Variants in MAN1C1 observed in about 807,000 individuals in gnomAD.
MAN1C1 encodes the protein mannosyl-oligosaccharide 1,2-alpha-mannosidase IC.
MAN1C1 carries 49 observed loss-of-function variants against 71.5 expected under a neutral mutation model. The observed-to-expected ratio is 0.69, with a 90% confidence interval of 0.54 to 0.87. The LOEUF (loss-of-function observed/expected upper bound fraction) is 0.87, where lower values mean the gene tolerates loss of function less well. Ranked by LOEUF, MAN1C1 falls within the 40% of genes least tolerant of loss-of-function variation. MAN1C1 has a pLI of 0.00. For synonymous variants in MAN1C1, 352 were observed against 343.7 expected (o/e 1.02, Z -0.27); for missense variants, 743 against 835.0 (o/e 0.89, Z 1.36).
At chr1:25,740,945 A>G (rs2047054923) in intron 2 of MAN1C1, among the ~76,000 whole-genome samples, 1 of 152,042 alleles carries the variant, frequency 6.6e-6, no homozygotes, top group South Asian at 2.1e-4. Flanking sequence ...GACGGCCAGC[A>G]GGATTTGCTG....
intron 2 of MAN1C1, among the ~76,000 whole-genome samples, chr1:25,737,663 A>G (rs1240361704): frequency 1.3e-5 from 2 of 152,156 alleles, no homozygotes; most frequent in Non-Finnish European, 2.9e-5. Flanking sequence ...GAGACATACA[A>G]TATCGTGTAC....
intron 7 of MAN1C1, among the ~76,000 whole-genome samples, chr1:25,771,321 G>A (rs1372507911): frequency 6.6e-6 from 1 of 152,228 alleles, no homozygotes; most frequent in East Asian, 1.9e-4. Context: ...CCTGCCACCA[G>A]ATTATCTTTG....
intron 1 of MAN1C1, chr1:25,654,115 C>T (rs1285585172): frequency 2.0e-5 from 3 of 152,232 alleles, no homozygotes; most frequent in Non-Finnish European, 4.4e-5. Context: ...GGAGTATCAC[C>T]TATATGGGTC....
At chr1:25,774,439 C>T (rs752957088) in intron 8 of MAN1C1, among the ~76,000 whole-genome samples, 10 of 152,172 alleles carry the variant, frequency 6.6e-5, no homozygotes, top group Non-Finnish European at 1.0e-4. Context: ...GACACAAACA[C>T]GGGTCTGACT....
rs546921038 is a variant in MAN1C1 at position 25,723,034 on chromosome 1, T to C, written c.638-23634T>C. ...TTTGTCCTCAATGTTTCATGACATATATACCTCAGTGTAGTATTTCATGAC... is the reference window on the plus strand; with the variant it reads ...TTTGTCCTCAATGTTTCATGACATACATACCTCAGTGTAGTATTTCATGAC... On this transcript the variant is annotated intron_variant, in intron 2 of 11. Coordinates refer to ENST00000374332, the MANE Select transcript of MAN1C1 (RefSeq NM_020379.4). Among the ~76,000 whole-genome samples, 8 of 152,354 alleles carry C rather than the reference T, an allele frequency of 5.3e-5. No individual in the cohort carries two copies. The East Asian group carries it at 7.7e-4, about 15-fold the overall frequency.
At chr1:25,755,949 C>G (rs1249309235) in intron 5 of MAN1C1, among the ~76,000 whole-genome samples, 1 of 152,150 alleles carries the variant, frequency 6.6e-6, no homozygotes, top group African/African-American at 2.4e-5. Flanking sequence ...CTGCCCAGAG[C>G]AGATGCATTT....
At chr1:25,683,795 C>G (rs2124170408) in intron 1 of MAN1C1, among the ~76,000 whole-genome samples, 1 of 152,288 alleles carries the variant, frequency 6.6e-6, no homozygotes, top group South Asian at 2.1e-4. Flanking sequence ...CCCCTTCATC[C>G]CCTGTCCCCT....
At chr1:25,733,618 T>G (rs2046940142) in intron 2 of MAN1C1, among the ~76,000 whole-genome samples, 1 of 152,112 alleles carries the variant, frequency 6.6e-6, no homozygotes, top group Admixed American at 6.6e-5. Context: ...TGTCTCTGTG[T>G]GTCTTTCCCC....
At chr1:25,732,646 G>C (rs1355598273) in intron 2 of MAN1C1, among the ~76,000 whole-genome samples, 39 of 152,194 alleles carry the variant, frequency 2.6e-4, no homozygotes, top group Admixed American at 2.6e-3. Flanking sequence ...TGGAGGATGA[G>C]GAAACTGAGG....
At chr1:25,639,127 A>G (rs2124758959) in intron 1 of MAN1C1, among the ~76,000 whole-genome samples, 1 of 152,248 alleles carries the variant, frequency 6.6e-6, no homozygotes, top group Non-Finnish European at 1.5e-5. Flanking sequence ...GTAATGTACA[A>G]TATGTTGTAA....
At chr1:25,738,459 G>A (rs2047013363) in intron 2 of MAN1C1, among the ~76,000 whole-genome samples, 1 of 152,184 alleles carries the variant, frequency 6.6e-6, no homozygotes, top group African/African-American at 2.4e-5. Flanking sequence ...CATTCCAGTT[G>A]CTATTGCTAC....
In MAN1C1 at chr1:25,618,314, G is replaced by A. The variant is rs1449501588; in HGVS notation, c.517G>A (p.Ala173Thr). The A allele has an allele frequency of 3.1e-5, 50 of 1,602,082 alleles. No individual in the cohort carries two copies. The highest frequency in any genetic ancestry group is 4.0e-5 in the Non-Finnish European group (47 of 1,176,272). ...TCAGGAGCCCCAGAGCCAAGTGCGA[G>A]CCCAGCGGGAGAAAATCAAGGAGGT... ...ESQEPQSQVR[A>T]QREKIKEMMQ... Residue 173 changes from alanine to threonine, a missense_variant, in exon 1 of 12, where the codon GCC (alanine) becomes ACC (threonine). By Grantham distance (58) the Ala-to-Thr change is moderately conservative. Transcript: ENST00000374332.
At chr1:25,744,745 A>C (rs547353989) in intron 2 of MAN1C1, among the ~76,000 whole-genome samples, 1 of 152,130 alleles carries the variant, frequency 6.6e-6, no homozygotes, top group Non-Finnish European at 1.5e-5. Flanking sequence ...CCTTCAGTCA[A>C]CACAAGTGAG....
intron 1 of MAN1C1, among the ~76,000 whole-genome samples, chr1:25,626,278 G>T (rs1202974470): frequency 2.0e-5 from 3 of 151,978 alleles, no homozygotes; most frequent in African/African-American, 7.2e-5. Context: ...GTGATATTTT[G>T]TTGTGGCTTT....
chr1:25,766,191 C>T (rs945381807), intron 7 of MAN1C1, among the ~76,000 whole-genome samples: 13 of 152,122 alleles, frequency 8.5e-5, no homozygotes, highest in African/African-American at 2.4e-4. Flanking sequence ...CAAAGTCAGT[C>T]GCATATGGGA....
At chr1:25,734,984 G>A (rs1366290355) in intron 2 of MAN1C1, among the ~76,000 whole-genome samples, 6 of 152,242 alleles carry the variant, frequency 3.9e-5, no homozygotes, top group African/African-American at 7.2e-5. Context: ...GGATTGAGAC[G>A]TGTGGGGACA....
chr1:25,657,412 T>C (rs2045783454), intron 1 of MAN1C1, among the ~76,000 whole-genome samples: 1 of 152,214 alleles, frequency 6.6e-6, no homozygotes, highest in Admixed American at 6.5e-5. Context: ...GGGAAAGCCA[T>C]GAAGCGTGGC....
intron 2 of MAN1C1, among the ~76,000 whole-genome samples, chr1:25,743,846 C>T (rs1263314136): frequency 6.6e-6 from 1 of 152,206 alleles, no homozygotes; most frequent in East Asian, 1.9e-4. Flanking sequence ...GACATACGGC[C>T]TGGGCCTCTC....
intron 4 of MAN1C1, among the ~76,000 whole-genome samples, chr1:25,749,824 G>A (rs932415476): frequency 6.6e-6 from 1 of 152,184 alleles, no homozygotes; most frequent in Admixed American, 6.5e-5. Context: ...AGACCCCCAG[G>A]CCTTGTCCTC....
Sources: gnomAD v4.1 joint callset for allele counts (sites outside exome capture counted in the v4.1 genomes callset) on GRCh38, gnomAD v4.1.1 for gene constraint, MANE v1.5 for transcripts, NCBI Gene and HGNC (gene_info 2026-07-23, HGNC 2026-07-21) for gene names.